Variants in ANKRD36B observed in about 807,000 individuals in gnomAD.
ANKRD36B encodes ankyrin repeat domain 36B.
In ANKRD36B, 37 loss-of-function variants were observed where a neutral mutation model predicts 135.7. That is an observed-to-expected ratio of 0.27 (90% CI 0.21 to 0.36). The LOEUF is 0.36. ANKRD36B is among the 10% of genes least tolerant of loss of function. The pLI is 1.00. For synonymous variants in ANKRD36B, 179 were observed against 348.1 expected (o/e 0.51, Z 5.41); for missense variants, 549 against 1,037.1 (o/e 0.53, Z 6.46).
chr2:97,546,474 T>C (rs1441862224), intron 22 of ANKRD36B, among the ~76,000 whole-genome samples: 1 of 151,756 alleles, frequency 6.6e-6, no homozygotes, highest in Non-Finnish European at 1.5e-5. Flanking sequence ...CTAAGTTTCT[T>C]GTATCCACTA....
rs1242051771 is a variant in ANKRD36B at position 97,547,439 on chromosome 2, T to A, written c.1579+97A>T. 5.7e-6 allele frequency: 7 copies of A among 1,235,124 alleles called. No homozygotes were observed. In the African/African-American group the frequency reaches 7.6e-5, roughly 13 times the overall value. The allele number at this position is 1,235,124 out of a possible 1,614,324, so 76.5% of individuals were successfully genotyped here. A position where few individuals can be genotyped will look rare whatever the true frequency, so the allele number is the denominator to read the frequency against. On this transcript the variant is annotated intron_variant, in intron 22 of 43. Coordinates refer to ENST00000359901, the MANE Select transcript of ANKRD36B (RefSeq NM_001393939.1). The stretch of plus-strand genomic sequence containing the variant: ...GAATCTCAGGACTGCTGAATCAGAA[T>A]GTGCAGCTTCAACGAGCCCCCCGCA...
chr2:97,531,980 G>C (rs2078625591), intron 35 of ANKRD36B, among the ~76,000 whole-genome samples: 1 of 94,978 alleles, frequency 1.1e-5, no homozygotes, highest in Non-Finnish European at 2.8e-5. Flanking sequence ...GGTCATCACT[G>C]TTAAATTGTT....
intron 1 of ANKRD36B, 40 bp downstream of exon 1, chr2:97,589,485 C>G: frequency 2.0e-6 from 3 of 1,532,962 alleles, no homozygotes; most frequent in South Asian, 2.4e-5. Flanking sequence ...TCCACATCCA[C>G]AGGCCTCCTC....
chr2:97,529,396 A>C lies in ANKRD36B; in HGVS notation c.2265+2915T>G. On this transcript the variant is annotated intron_variant, in intron 35 of 43. Transcript: ENST00000359901. ...TCTCAATAAATTAGGTATTGATGGG[A>C]CGTATCTCAAAATAATAAGAGCTAT... 2.1e-5 allele frequency among the ~76,000 whole-genome samples: 2 copies of C among 93,380 alleles called. 1 individual carries two copies. Among genetic ancestry groups the C allele is most frequent in the Non-Finnish European group, 5.7e-5 (2 of 35,286 alleles). 61.3% of individuals were successfully genotyped at this position (93,380 alleles called of 152,430 possible).
At chr2:97,580,366 T>G (rs1359665612) in intron 4 of ANKRD36B, 96 bp downstream of exon 4, 1 of 1,110,130 alleles carries the variant, frequency 9.0e-7, no homozygotes, top group African/African-American at 1.6e-5. Context: ...AAAGTTAGTC[T>G]TCTTACTAAT....
chr2:97,494,436 G>C (rs1299370595), intron 43 of ANKRD36B, among the ~76,000 whole-genome samples: 1 of 106,648 alleles, frequency 9.4e-6, no homozygotes, highest in East Asian at 2.1e-4. Flanking sequence ...GGAAGAGAGG[G>C]GAGAGGTGCC....
chr2:97,572,163 T>C (rs1347669701), intron 6 of ANKRD36B, among the ~76,000 whole-genome samples: 2 of 151,864 alleles, frequency 1.3e-5, no homozygotes, highest in African/African-American at 4.8e-5. Context: ...CTTGTAGCAG[T>C]CTCAATGACT....
intron 34 of ANKRD36B, among the ~76,000 whole-genome samples, chr2:97,534,330 T>A (rs1201070328): frequency 1.0e-5 from 1 of 96,084 alleles, no homozygotes; most frequent in East Asian, 2.3e-4. Flanking sequence ...TCAGTCAAAG[T>A]TTCTTAGTTC....
chr2:97,549,675 T>C, intron 18 of ANKRD36B, 61 bp from the exon 19 acceptor site: 1 of 1,602,380 alleles, frequency 6.2e-7, no homozygotes, highest in Non-Finnish European at 8.5e-7. Context: ...TATCCACACA[T>C]TCATGCAGTG....
In ANKRD36B at chr2:97,549,333, G is replaced by A. The variant is rs546153741; in HGVS notation, c.1477+86C>T. On this transcript the variant is annotated intron_variant, in intron 20 of 43. Transcript: ENST00000359901. ...CTGCTGAATCAGAAAGTGCAGCTTC[G>A]ACGAGCCCCCCGCTGATTTATTTGG... 1,360 of 1,443,456 alleles carry A rather than the reference G, an allele frequency of 9.4e-4. 26 individuals are homozygous for A. The South Asian group carries it at 0.016, about 17-fold the overall frequency. The allele number at this position is 1,443,456 out of a possible 1,614,324, so 89.4% of individuals were successfully genotyped here.
At chr2:97,540,711 G>C (rs575076438) in intron 28 of ANKRD36B, among the ~76,000 whole-genome samples, 1 of 96,334 alleles carries the variant, frequency 1.0e-5, no homozygotes, top group African/African-American at 3.1e-5. Flanking sequence ...CACTTCAGTT[G>C]AATGTACACT....
intron 14 of ANKRD36B, among the ~76,000 whole-genome samples, chr2:97,554,321 T>C (rs1235389298): frequency 1.3e-5 from 2 of 152,064 alleles, no homozygotes; most frequent in East Asian, 3.9e-4. Flanking sequence ...AAGAAGCCAA[T>C]GTATTGATAT....
chr2:97,536,252 A>T lies in ANKRD36B; in HGVS notation c.2191+48T>A. 4 of 713,652 alleles carry T rather than the reference A, an allele frequency of 5.6e-6. 1 individual carries two copies. Among genetic ancestry groups the T allele is most frequent in the South Asian group, 5.6e-5 (4 of 71,698 alleles). The allele number at this position is 713,652 out of a possible 1,614,324, so 44.2% of individuals were successfully genotyped here. ...TAGAAAGACTATGAGCATTACAAAC[A>T]GATTAATGTACTTCTTTCCAGAGTT... On this transcript the variant is annotated intron_variant, in intron 34 of 43. Coordinates refer to ENST00000359901, the MANE Select transcript of ANKRD36B (RefSeq NM_001393939.1).
At chr2:97,561,210 G>A (rs1003722544) in intron 6 of ANKRD36B, among the ~76,000 whole-genome samples, 8 of 151,986 alleles carry the variant, frequency 5.3e-5, no homozygotes, top group South Asian at 4.1e-4. Flanking sequence ...GGGAATCAGC[G>A]TCAAAGCAGG....
chr2:97,554,045 AT>A (rs1187157427), intron 14 of ANKRD36B, among the ~76,000 whole-genome samples: 1 of 151,980 alleles, frequency 6.6e-6, no homozygotes, highest in Non-Finnish European at 1.5e-5. Flanking sequence ...GCAACAAAGT[AT>A]AATATATAAA....
intron 30 of ANKRD36B, chr2:97,539,641 G>A: frequency 8.4e-6 from 1 of 118,532 alleles, no homozygotes; most frequent in Admixed American, 7.6e-5. Flanking sequence ...GTGTTTATGG[G>A]TTATTGTGAT....
At chr2:97,547,855 C>T in intron 20 of ANKRD36B, 124 bp from the exon 21 acceptor site, 1 of 1,395,490 alleles carries the variant, frequency 7.2e-7, no homozygotes, top group Non-Finnish European at 9.9e-7. Flanking sequence ...TTGATGGCTT[C>T]TACTTTGTGT....
At chr2:97,570,686 T>C (rs1577059845) in intron 6 of ANKRD36B, among the ~76,000 whole-genome samples, 3 of 152,294 alleles carry the variant, frequency 2.0e-5, no homozygotes, top group Admixed American at 2.0e-4. Context: ...AGGAGAGGGC[T>C]CCCGGAAGCT....
intron 22 of ANKRD36B, among the ~76,000 whole-genome samples, chr2:97,546,938 TAG>T (rs2079524795): frequency 6.6e-6 from 1 of 151,688 alleles, no homozygotes; most frequent in African/African-American, 2.4e-5. Context: ...CTGCTTCCAG[TAG>T]TTCCTGGAGC....
Sources: allele counts gnomAD v4.1 joint callset (sites outside exome capture counted in the v4.1 genomes callset), GRCh38; gene constraint gnomAD v4.1.1; transcripts MANE v1.5; gene names NCBI Gene and HGNC (gene_info 2026-07-23, HGNC 2026-07-21).